The following CALCOCO1 variants were observed in gnomAD, a reference collection of about 807,000 sequenced individuals.
The protein encoded by CALCOCO1 is calcium-binding and coiled-coil domain-containing protein 1.
A neutral mutation model predicts 86.3 loss-of-function variants in CALCOCO1; 44 were observed. That is an observed-to-expected ratio of 0.51 (90% confidence interval 0.40 to 0.66). The LOEUF (loss-of-function observed/expected upper bound fraction) is 0.66, where lower values mean the gene tolerates loss of function less well. Among genes scored for constraint, CALCOCO1 ranks in the 30% least tolerant of loss-of-function variants. The pLI, the probability that CALCOCO1 is intolerant of heterozygous loss-of-function variation, is 0.00. For synonymous variants in CALCOCO1, 297 were observed against 327.6 expected, an observed-to-expected ratio of 0.91 and a Z score of 1.01; for missense variants, 708 against 851.1, an observed-to-expected ratio of 0.83 and a Z score of 2.09.
chr12:53,724,669 T>C lies in CALCOCO1; in HGVS notation c.235A>G (p.Ile79Val). 1 of 1,614,020 alleles carries C rather than the reference T, an allele frequency of 6.2e-7. No individual in the cohort carries two copies. Among genetic ancestry groups the C allele is most frequent in the Non-Finnish European group, 8.5e-7 (1 of 1,179,914 alleles). ...VPESTTDGSPIHTSVQFQASY... is the reference protein window; with the variant it reads ...VPESTTDGSPVHTSVQFQASY... ...CCTTGGAACTGGACACTGGTGTGAA[T>C]GGGGGAACCATCAGTTGTACTTTCA... Residue 79 changes from isoleucine to valine, a missense_variant, in exon 3 of 15, where the codon ATT becomes GTT. Coordinates refer to ENST00000550804, the MANE Select transcript of CALCOCO1 (RefSeq NM_020898.3).
Position 53,714,622 on chromosome 12 carries a change from C to T in CALCOCO1, c.1458G>A (p.Lys486=). Residue 486 remains lysine (K), a synonymous_variant, in exon 11 of 15, where the codon AAG becomes AAA. Transcript: ENST00000550804. ...RSALRVLQKE[K]EQLQEEKQEL... is the part of the protein sequence containing the mutation. ...CCTGTTTCTCCTCCTGTAACTGCTC[C>T]TTTTCCTTCTGGAGCACACGCAGGG... The T allele has an allele frequency of 1.9e-6, 3 of 1,614,136 alleles. No individual in the cohort carries two copies. Among genetic ancestry groups the T allele is most frequent in the Non-Finnish European group, 2.5e-6 (3 of 1,179,986 alleles).
chr12:53,723,848 C>G, intron 3 of CALCOCO1, 65 bp from the exon 4 acceptor site: 1 of 1,431,010 alleles, frequency 7.0e-7, no homozygotes, highest in South Asian at 1.3e-5. Flanking sequence ...GCCCCTTGCT[C>G]GGTGTTCCAT....
At chr12:53,712,666 A>G (rs940278031) in intron 14 of CALCOCO1, 1 of 511,520 alleles carries the variant, frequency 2.0e-6, no homozygotes, top group Non-Finnish European at 2.9e-6. Context: ...GAAGAGGGAA[A>G]GCATTTCAGT....
chr12:53,710,271 G>A lies in CALCOCO1; in HGVS notation c.*1673C>T, dbSNP rs1484955443. ...CGGGATGGGGTTGCTAGGAGACGGA[G>A]ACGTGAGGGAAGAAGGAACGATGTA... is the stretch of plus-strand genomic sequence containing the variant. On this transcript the variant is annotated 3_prime_UTR_variant, in exon 15 of 15. Coordinates refer to ENST00000550804, the MANE Select transcript of CALCOCO1 (RefSeq NM_020898.3). 1.3e-5 allele frequency: 2 copies of A among 152,240 alleles called. No homozygotes were observed. The highest frequency in any genetic ancestry group is 2.4e-5 in the African/African-American group (1 of 41,392). 9.4% of individuals were successfully genotyped at this position (152,240 alleles called of 1,614,324 possible). A position where few individuals can be genotyped will look rare whatever the true frequency, so the allele number is the denominator to read the frequency against.
rs1252973817 is a variant in CALCOCO1 at position 53,710,374 on chromosome 12, G to A, written c.*1570C>T. On this transcript the variant is annotated 3_prime_UTR_variant, in exon 15 of 15. Coordinates refer to ENST00000550804, the MANE Select transcript of CALCOCO1 (RefSeq NM_020898.3). ...AATGGAGAAAGGGAATGGTGGGGGTGGTCCACACAGGGGCCCTGAAGGGAG... is the reference window on the plus strand; with the variant it reads ...AATGGAGAAAGGGAATGGTGGGGGTAGTCCACACAGGGGCCCTGAAGGGAG... 6.6e-6 allele frequency: 1 copy of A among 152,442 alleles called. No homozygotes were observed. Among genetic ancestry groups the A allele is most frequent in the Non-Finnish European group, 1.5e-5 (1 of 68,130 alleles). The allele number at this position is 152,442 out of a possible 1,614,324, so 9.4% of individuals were successfully genotyped here.
chr12:53,722,624 TGGCTAGCC>T (rs1945906324), intron 4 of CALCOCO1, among the ~76,000 whole-genome samples: 4 of 152,150 alleles, frequency 2.6e-5, no homozygotes, highest in Admixed American at 2.0e-4. Context: ...TGGAGTGCAG[TGGCTAGCC>T]ATAGGTGCAA....
Position 53,719,848 on chromosome 12 carries a change from C to G in CALCOCO1, c.759-19G>C. 6.4e-7 allele frequency: 1 copy of G among 1,550,732 alleles called. No homozygotes were observed. The highest frequency in any genetic ancestry group is 1.1e-5 in the South Asian group (1 of 89,632). On this transcript the variant is annotated intron_variant, in intron 6 of 14. Coordinates refer to ENST00000550804, the MANE Select transcript of CALCOCO1 (RefSeq NM_020898.3). ...TCTAAGCCTGTGATTGGTGGGATGA[C>G]ATGTCAGACAATCTGCTCCACCCAG...
At chr12:53,723,469 T>C (rs1322083646) in intron 4 of CALCOCO1, 124 bp downstream of exon 4, 24 of 968,744 alleles carry the variant, frequency 2.5e-5, no homozygotes, top group Non-Finnish European at 3.2e-5. Context: ...CAGGACTTTG[T>C]CTAACTTTCA....
intron 1 of CALCOCO1, 81 bp from the exon 2 acceptor site, chr12:53,725,347 GCCCCTGCC>G: frequency 6.7e-6 from 6 of 899,646 alleles, no homozygotes; most frequent in South Asian, 3.8e-5. Context: ...CACACTCACA[GCCCCTGCC>G]ACTACACCTG....
intron 3 of CALCOCO1, chr12:53,724,069 C>T (rs922026320): frequency 9.6e-6 from 4 of 417,978 alleles, no homozygotes; most frequent in African/African-American, 2.0e-5. Context: ...CTTGCTCCAT[C>T]GCCCAGGCTG....
At chr12:53,712,940 C>A in intron 14 of CALCOCO1, 160 bp downstream of exon 14, 1 of 1,289,266 alleles carries the variant, frequency 7.8e-7, no homozygotes, top group Non-Finnish European at 1.1e-6. Flanking sequence ...GGATTTGGAG[C>A]AGTGAGTCAT....
rs933337990 is a variant in CALCOCO1 at position 53,715,193 on chromosome 12, G to A, written c.1386+7C>T. 6.2e-7 allele frequency: 1 copy of A among 1,614,004 alleles called. No individual in the cohort carries two copies. The highest frequency in any genetic ancestry group is 2.2e-5 in the East Asian group (1 of 44,878). ...AGGACAGGACCCTTGGTGGCTGGAT[G>A]CCTCACCAGGCTAGAATCCTTCTCC... is the stretch of plus-strand genomic sequence containing the variant. On this transcript the variant is annotated splice_region_variant and intron_variant, in intron 10 of 14. Coordinates refer to ENST00000550804, the MANE Select transcript of CALCOCO1 (RefSeq NM_020898.3).
intron 3 of CALCOCO1, 90 bp downstream of exon 3, chr12:53,724,555 C>A: frequency 1.1e-6 from 1 of 906,668 alleles, no homozygotes; most frequent in Non-Finnish European, 1.8e-6. Context: ...GTCCTTTGTG[C>A]CTAACTTTTA....
rs200012009 is a variant in CALCOCO1 at position 53,715,288 on chromosome 12, A to T, written c.1298T>A (p.Ile433Lys). ...KDKILKLSAE[I>K]LRLEKAVQEE... is the part of the protein sequence containing the mutation. Reference sequence around the variant, plus strand: ...CTGAACTGCCTTCTCCAATCGAAGTATCTCTGCACTCAGCTTCAGGATCTT... The same window carrying T: ...CTGAACTGCCTTCTCCAATCGAAGTTTCTCTGCACTCAGCTTCAGGATCTT... Residue 433 changes from isoleucine (I) to lysine (K), a missense_variant, in exon 10 of 15, where the codon ATA becomes AAA. Transcript: ENST00000550804. 1 of 1,614,198 alleles carries T rather than the reference A, an allele frequency of 6.2e-7. No homozygotes were observed. Among genetic ancestry groups the T allele is most frequent in the African/African-American group, 1.3e-5 (1 of 75,056 alleles).
rs1180598044 is a variant in CALCOCO1 at position 53,711,351 on chromosome 12, TC to T, written c.*592del. 3 of 393,482 alleles carry T rather than the reference TC, an allele frequency of 7.6e-6. No individual in the cohort carries two copies. In the Admixed American group the frequency reaches 1.3e-4, roughly 17 times the overall value. The allele number at this position is 393,482 out of a possible 1,614,324, so 24.4% of individuals were successfully genotyped here. On this transcript the variant is annotated 3_prime_UTR_variant, in exon 15 of 15. Transcript: ENST00000550804. ...AATCCTCAAAAATACAAAAAACCCC[TC>T]CAAACTGAATACCTAAGGTTATGGA...
intron 4 of CALCOCO1, chr12:53,723,008 A>T: frequency 2.6e-6 from 1 of 379,404 alleles, no homozygotes; most frequent in South Asian, 2.0e-5. Flanking sequence ...AAAAAACCCC[A>T]AACAGTATCA....
Position 53,716,069 on chromosome 12 carries a change from G to A in CALCOCO1, c.1006-22C>T, listed in dbSNP as rs1278908560. ...CGGCCTCAGGAGAAAGGAGGAGATG[G>A]AGATCAGAGTTCCTAGTGAATCATT... On this transcript the variant is annotated intron_variant, in intron 8 of 14. Transcript: ENST00000550804. 2.5e-6 allele frequency: 4 copies of A among 1,609,424 alleles called. No homozygotes were observed. In the South Asian group the frequency reaches 3.3e-5, roughly 13 times the overall value.
Position 53,714,302 on chromosome 12 carries a change from C to T in CALCOCO1, c.1483-61G>A, listed in dbSNP as rs1945665999. On this transcript the variant is annotated intron_variant, in intron 11 of 14. Transcript: ENST00000550804. Reference sequence around the variant, plus strand: ...ATGGGAAGGTGCCAACCTTGCTAGCCTGCAGAAGCTGCACCCAAGAAGAAC... The same window carrying T: ...ATGGGAAGGTGCCAACCTTGCTAGCTTGCAGAAGCTGCACCCAAGAAGAAC... 14 of 1,230,448 alleles carry T rather than the reference C, an allele frequency of 1.1e-5. 1 individual carries two copies. The South Asian group carries it at 1.3e-4, about 11-fold the overall frequency. The allele number at this position is 1,230,448 out of a possible 1,614,324, so 76.2% of individuals were successfully genotyped here. A position where few individuals can be genotyped will look rare whatever the true frequency, so the allele number is the denominator to read the frequency against.
In CALCOCO1 at chr12:53,715,223, C is replaced by A; in HGVS notation, c.1363G>T (p.Ala455Ser). The stretch of plus-strand genomic sequence containing the variant: ...ACCAGGCTAGAATCCTTCTCCCGGG[C>A]CAGCTCAGTCTTGAACACTTGGTTT... ...TQNQVFKTELAREKDSSLVQL... is the reference protein window; with the variant it reads ...TQNQVFKTELSREKDSSLVQL... The change falls in exon 10 of 15, where the codon GCC becomes TCC. Residue 455 changes from alanine (A) to serine (S), a missense_variant. Coordinates refer to ENST00000550804, the MANE Select transcript of CALCOCO1 (RefSeq NM_020898.3). 1 of 1,614,142 alleles carries A rather than the reference C, an allele frequency of 6.2e-7. No homozygotes were observed. The highest frequency in any genetic ancestry group is 8.5e-7 in the Non-Finnish European group (1 of 1,179,994).
Sources: allele counts gnomAD v4.1 joint callset (sites outside exome capture counted in the v4.1 genomes callset), GRCh38; gene constraint gnomAD v4.1.1; transcripts MANE v1.5; gene names NCBI Gene and HGNC (gene_info 2026-07-23, HGNC 2026-07-21).